The following CHST8 variants were observed in gnomAD, a reference collection of about 807,000 sequenced individuals.
CHST8 encodes carbohydrate sulfotransferase 8.
Under a neutral mutation model 15.0 loss-of-function variants are expected in CHST8, and 10 were observed. The observed-to-expected ratio is 0.67, with a 90% CI of 0.41 to 1.13. The LOEUF is 1.13. Among genes scored for constraint, CHST8 ranks in the 50% most tolerant of loss-of-function variants. CHST8 has a pLI of 0.00. For synonymous variants in CHST8, 259 were observed against 256.6 expected (o/e 1.01, Z -0.09); for missense variants, 634 against 608.2 (o/e 1.04, Z -0.45).
intron 1 of CHST8, among the ~76,000 whole-genome samples, chr19:33,649,427 A>G (rs1432899547): frequency 6.6e-6 from 1 of 152,204 alleles, no homozygotes; most frequent in Non-Finnish European, 1.5e-5. Flanking sequence ...TTCACAACCT[A>G]CAGGCCGGAA....
At chr19:33,692,308 G>A (rs1037920345) in intron 3 of CHST8, among the ~76,000 whole-genome samples, 4 of 152,230 alleles carry the variant, frequency 2.6e-5, no homozygotes, top group African/African-American at 9.6e-5. Flanking sequence ...TGAGGCCAGA[G>A]CTTCTGCTTT....
intron 3 of CHST8, among the ~76,000 whole-genome samples, chr19:33,722,717 C>G (rs1281809077): frequency 1.3e-5 from 2 of 152,122 alleles, no homozygotes; most frequent in African/African-American, 4.8e-5. Context: ...GTTTCCCACC[C>G]CGAGCGTAAC....
intron 1 of CHST8, among the ~76,000 whole-genome samples, chr19:33,667,122 A>C (rs1050685871): frequency 2.0e-5 from 3 of 152,176 alleles, no homozygotes; most frequent in African/African-American, 7.2e-5. Context: ...TGCAGCCAGC[A>C]TCACCCCATC....
chr19:33,732,488 T>C (rs550762123), intron 3 of CHST8, among the ~76,000 whole-genome samples: 7 of 151,692 alleles, frequency 4.6e-5, no homozygotes, highest in Non-Finnish European at 8.8e-5. Context: ...CCTGTGAATC[T>C]GTAGCCAGCT....
chr19:33,745,590 G>T (rs1035817797), intron 3 of CHST8, among the ~76,000 whole-genome samples: 2 of 152,228 alleles, frequency 1.3e-5, no homozygotes, highest in African/African-American at 2.4e-5. Flanking sequence ...GAGGTGAATT[G>T]CACGGGGCTG....
chr19:33,641,941 C>T (rs1311113738), intron 1 of CHST8, among the ~76,000 whole-genome samples: 32 of 152,208 alleles, frequency 2.1e-4, no homozygotes, highest in Admixed American at 2.0e-3. Flanking sequence ...CTACGCTGAC[C>T]AAACCATATG....
chr19:33,758,661 G>C (rs1036274553), intron 3 of CHST8, among the ~76,000 whole-genome samples: 5 of 152,216 alleles, frequency 3.3e-5, no homozygotes, highest in Non-Finnish European at 7.3e-5. Context: ...GTGGTAATGA[G>C]GCTGCCGTCC....
chr19:33,716,146 G>A (rs779157336), intron 3 of CHST8, among the ~76,000 whole-genome samples: 1 of 152,126 alleles, frequency 6.6e-6, no homozygotes, highest in Non-Finnish European at 1.5e-5. Context: ...TTCAGTGTTC[G>A]TTGTAAAGAT....
intron 3 of CHST8, among the ~76,000 whole-genome samples, chr19:33,765,660 T>A (rs1974825227): frequency 6.6e-6 from 1 of 151,928 alleles, no homozygotes; most frequent in Admixed American, 6.6e-5. Flanking sequence ...CTCCTGGGTT[T>A]AAGCGATTCT....
chr19:33,682,579 G>A (rs1183692783), intron 2 of CHST8, among the ~76,000 whole-genome samples: 1 of 152,148 alleles, frequency 6.6e-6, no homozygotes, highest in Non-Finnish European at 1.5e-5. Context: ...CCAGTCCCTG[G>A]TAACCTGCAT....
At chr19:33,767,782 T>C (rs1414391170) in intron 3 of CHST8, among the ~76,000 whole-genome samples, 1 of 151,314 alleles carries the variant, frequency 6.6e-6, no homozygotes, top group Non-Finnish European at 1.5e-5. Flanking sequence ...GGGGTGGAGG[T>C]GGGGAGGCAG....
intron 3 of CHST8, among the ~76,000 whole-genome samples, chr19:33,727,748 A>G (rs1340653615): frequency 1.3e-5 from 2 of 152,350 alleles, no homozygotes; most frequent in African/African-American, 2.4e-5. Context: ...CCAGGTGCCA[A>G]GTGGATCTGC....
Position 33,772,803 on chromosome 19 carries a change from C to T in CHST8, c.1015C>T (p.Leu339Phe). ...TGTCAGCCGGCTCTGCAGCCCCTGC[C>T]TCATCGACTACGATTTCGTAGGCAA... ...DHVSRLCSPCLIDYDFVGKFE... is the reference protein window; with the variant it reads ...DHVSRLCSPCFIDYDFVGKFE... Residue 339 changes from leucine (L) to phenylalanine (F), a missense_variant, in exon 5 of 5, where the codon CTC (leucine) becomes TTC (phenylalanine). Physicochemically the swap from Leu to Phe is conservative, Grantham distance 22 (BLOSUM62 0). Coordinates refer to ENST00000650847, the MANE Select transcript of CHST8 (RefSeq NM_001127895.2). 1 of 1,613,604 alleles carries T rather than the reference C, an allele frequency of 6.2e-7. No homozygotes were observed.
intron 1 of CHST8, among the ~76,000 whole-genome samples, chr19:33,639,183 G>A (rs1245915545): frequency 1.3e-5 from 2 of 151,898 alleles, no homozygotes; most frequent in East Asian, 3.9e-4. Flanking sequence ...CCAAACTGCT[G>A]CCATTCGAGA....
chr19:33,688,495 C>T (rs1243995266), intron 2 of CHST8, among the ~76,000 whole-genome samples: 1 of 152,148 alleles, frequency 6.6e-6, no homozygotes, highest in African/African-American at 2.4e-5. Flanking sequence ...GGCAAAGGGC[C>T]TCGAGCACAG....
intron 3 of CHST8, among the ~76,000 whole-genome samples, chr19:33,741,515 A>T (rs1974193687): frequency 6.6e-6 from 1 of 152,200 alleles, no homozygotes; most frequent in Non-Finnish European, 1.5e-5. Context: ...GGCCACAAAC[A>T]TCTTCCCTAG....
chr19:33,678,411 C>G (rs1281918749), intron 2 of CHST8, among the ~76,000 whole-genome samples: 1 of 152,084 alleles, frequency 6.6e-6, no homozygotes, highest in Non-Finnish European at 1.5e-5. Flanking sequence ...TGGGAGAGAC[C>G]AGCCTGTTTT....
intron 3 of CHST8, among the ~76,000 whole-genome samples, chr19:33,697,812 G>A (rs543075519): frequency 6.6e-6 from 1 of 152,192 alleles, no homozygotes; most frequent in Non-Finnish European, 1.5e-5. Flanking sequence ...GCGGCACGTG[G>A]AGAACTTTAA....
chr19:33,660,827 C>T (rs573682333), intron 1 of CHST8, among the ~76,000 whole-genome samples: 1 of 152,320 alleles, frequency 6.6e-6, no homozygotes, highest in African/African-American at 2.4e-5. Context: ...TGAGTTAGCC[C>T]TGCTTCACAA....
Sources: allele counts gnomAD v4.1 joint callset (sites outside exome capture counted in the v4.1 genomes callset), GRCh38; gene constraint gnomAD v4.1.1; transcripts MANE v1.5; gene names NCBI Gene and HGNC (gene_info 2026-07-23, HGNC 2026-07-21).